CSRNP3: variants seen among roughly 807,000 people sequenced by gnomAD.
The protein encoded by CSRNP3 is cysteine/serine-rich nuclear protein 3.
A neutral mutation model predicts 48.0 loss-of-function variants in CSRNP3; 12 were observed. That is an observed-to-expected ratio of 0.25 (90% CI 0.16 to 0.41). The LOEUF is 0.41. Among genes scored for constraint, CSRNP3 ranks in the 10% least tolerant of loss-of-function variants. The pLI, the probability that CSRNP3 is intolerant of heterozygous loss-of-function variation, is 1.00. For missense variants in CSRNP3, 580 were observed against 724.4 expected, an observed-to-expected ratio of 0.80 and a Z score of 2.29; for synonymous variants, 263 against 269.7, an observed-to-expected ratio of 0.98 and a Z score of 0.24.
intron 2 of CSRNP3, among the ~76,000 whole-genome samples, chr2:165,511,437 T>C (rs999441795): frequency 2.6e-5 from 4 of 152,086 alleles, no homozygotes; most frequent in Non-Finnish European, 2.9e-5. Flanking sequence ...GAGGGTATAA[T>C]TGAAGTCGTG....
intron 5 of CSRNP3, among the ~76,000 whole-genome samples, chr2:165,675,878 A>G (rs893200908): frequency 6.6e-6 from 1 of 152,210 alleles, no homozygotes; most frequent in African/African-American, 2.4e-5. Context: ...CAAGGACAAC[A>G]TATTTGCTGA....
At chr2:165,596,295 T>C (rs924615027) in intron 4 of CSRNP3, among the ~76,000 whole-genome samples, 1 of 152,158 alleles carries the variant, frequency 6.6e-6, no homozygotes, top group East Asian at 1.9e-4. Flanking sequence ...TTAAAATTTA[T>C]GTTCCTTAAA....
At position 165,540,858 on chromosome 2, in the gene CSRNP3, C is replaced by G. The variant is rs147859391; in HGVS notation, c.-24+22897C>G. ...TACCTGGTAGTTTGGTAGTCCTTCT[C>G]TATTTATCTTTAATATAGTTTCTGG... On this transcript the variant is annotated intron_variant, in intron 3 of 6. Coordinates refer to ENST00000651982, the MANE Select transcript of CSRNP3 (RefSeq NM_001172173.2). Among the ~76,000 whole-genome samples, 1,132 of 152,134 alleles carry G rather than the reference C, an allele frequency of 7.4e-3. 10 individuals are homozygous for G. The highest frequency in any genetic ancestry group is 0.024 in the African/African-American group (1,016 of 41,518).
Position 165,687,737 on chromosome 2 carries a change from G to A in CSRNP3, c.*7984G>A, listed in dbSNP as rs1198648835. On this transcript the variant is annotated 3_prime_UTR_variant, in exon 7 of 7. Coordinates refer to ENST00000651982, the MANE Select transcript of CSRNP3 (RefSeq NM_001172173.2). ...ATTTAAAAATTTGTCTTCTTGACAA[G>A]GCCTGAAAACGAAGGGAGGTGTCGT... is the stretch of plus-strand genomic sequence containing the variant. 2 of 151,972 alleles carry A rather than the reference G, an allele frequency of 1.3e-5. No homozygotes were observed. Among genetic ancestry groups the A allele is most frequent in the Non-Finnish European group, 2.9e-5 (2 of 67,968 alleles). 9.4% of individuals were successfully genotyped at this position (151,972 alleles called of 1,614,324 possible). A position where few individuals can be genotyped will look rare whatever the true frequency, so the allele number is the denominator to read the frequency against.
intron 3 of CSRNP3, among the ~76,000 whole-genome samples, chr2:165,555,211 TTTAG>T (rs201807414): frequency 0.026 from 3,926 of 152,284 alleles, 146 homozygotes; most frequent in African/African-American, 0.09. Flanking sequence ...TACTGTATAC[TTTAG>T]TTAGTTTCTT....
chr2:165,613,997 C>T (rs965229886), intron 4 of CSRNP3, among the ~76,000 whole-genome samples: 1 of 151,678 alleles, frequency 6.6e-6, no homozygotes, highest in African/African-American at 2.4e-5. Flanking sequence ...GTAGTATGGT[C>T]GTTTTAACAA....
At chr2:165,500,197 A>G (rs1684337772) in intron 2 of CSRNP3, among the ~76,000 whole-genome samples, 1 of 151,644 alleles carries the variant, frequency 6.6e-6, no homozygotes, top group African/African-American at 2.4e-5. Context: ...GGGTCCCATT[A>G]ATTGTGTCAT....
intron 3 of CSRNP3, among the ~76,000 whole-genome samples, chr2:165,592,098 GGAGACCACCTCTT>G (rs1215391793): frequency 6.6e-6 from 1 of 152,250 alleles, no homozygotes. Flanking sequence ...CAAGGCTGTG[GGAGACCACCTCTT>G]GCATCAGCAT....
At chr2:165,601,660 C>A (rs1685917345) in intron 4 of CSRNP3, among the ~76,000 whole-genome samples, 2 of 151,970 alleles carry the variant, frequency 1.3e-5, no homozygotes, top group African/African-American at 4.8e-5. Context: ...TTCCTTCCTT[C>A]CTTGTCTCCC....
chr2:165,609,279 C>G (rs1031408177), intron 4 of CSRNP3, among the ~76,000 whole-genome samples: 1 of 149,040 alleles, frequency 6.7e-6, no homozygotes, highest in South Asian at 2.1e-4. Flanking sequence ...CATGATGAAA[C>G]CCCGTCTCTA....
In CSRNP3 at chr2:165,668,574, G is replaced by A. The variant is rs1232653394; in HGVS notation, c.409-7738G>A. On this transcript the variant is annotated intron_variant, in intron 5 of 6. Transcript: ENST00000651982. ...CTGCCATCAATCCTGGCTAGTTTTT[G>A]TATTTTTAGTAGAGACAGGGTTTCA... is the stretch of plus-strand genomic sequence containing the variant. Among the ~76,000 whole-genome samples the A allele has an allele frequency of 2.0e-5, 3 of 151,762 alleles. No homozygotes were observed. In the East Asian group the frequency reaches 5.8e-4, roughly 29 times the overall value.
Position 165,648,694 on chromosome 2 carries a change from G to C in CSRNP3, c.149-9067G>C, listed in dbSNP as rs182375722. Among the ~76,000 whole-genome samples the C allele has an allele frequency of 3.0e-3, 457 of 152,112 alleles. 9 individuals carry two copies. Among genetic ancestry groups the C allele is most frequent in the Admixed American group, 0.023 (358 of 15,276 alleles). ...CAAGAATTAGTGGGGAAGAGGAGGGGGCGTCCTTAAAAAATAAAATGTGTG... is the reference window on the plus strand; with the variant it reads ...CAAGAATTAGTGGGGAAGAGGAGGGCGCGTCCTTAAAAAATAAAATGTGTG... On this transcript the variant is annotated intron_variant, in intron 4 of 6. Coordinates refer to ENST00000651982, the MANE Select transcript of CSRNP3 (RefSeq NM_001172173.2).
At chr2:165,677,152 C>T (rs989133707) in intron 6 of CSRNP3, among the ~76,000 whole-genome samples, 1 of 152,236 alleles carries the variant, frequency 6.6e-6, no homozygotes, top group Admixed American at 6.5e-5. Context: ...AGGAACCGAA[C>T]TAGGTCAGGG....
intron 3 of CSRNP3, among the ~76,000 whole-genome samples, chr2:165,524,172 C>T (rs186369880): frequency 2.0e-4 from 30 of 152,178 alleles, no homozygotes; most frequent in African/African-American, 7.2e-4. Flanking sequence ...GATTAACAAA[C>T]CCAGGTACAC....
At position 165,662,180 on chromosome 2, in the gene CSRNP3, A is replaced by G. The variant is rs940985097; in HGVS notation, c.408+4160A>G. ...ACAAAATAAAGATGTTATTTTGAAAACAAAATAAAAGTAGGAATGTATGTT... is the reference window on the plus strand; with the variant it reads ...ACAAAATAAAGATGTTATTTTGAAAGCAAAATAAAAGTAGGAATGTATGTT... On this transcript the variant is annotated intron_variant, in intron 5 of 6. Coordinates refer to ENST00000651982, the MANE Select transcript of CSRNP3 (RefSeq NM_001172173.2). Among the ~76,000 whole-genome samples the G allele has an allele frequency of 7.3e-5, 11 of 151,716 alleles. No homozygotes were observed. The East Asian group carries it at 9.7e-4, about 13-fold the overall frequency.
chr2:165,596,807 A>T (rs1282339738), intron 4 of CSRNP3, among the ~76,000 whole-genome samples: 4 of 152,208 alleles, frequency 2.6e-5, no homozygotes, highest in African/African-American at 7.2e-5. Flanking sequence ...AATACACATG[A>T]AAAAACGTTG....
intron 1 of CSRNP3, among the ~76,000 whole-genome samples, chr2:165,470,864 C>A (rs944785051): frequency 4.6e-5 from 7 of 151,942 alleles, no homozygotes; most frequent in Non-Finnish European, 7.4e-5. Context: ...AAATAAAAGT[C>A]TTTCAATGAG....
intron 4 of CSRNP3, among the ~76,000 whole-genome samples, chr2:165,620,327 T>TA (rs1686318650): frequency 6.6e-6 from 1 of 152,158 alleles, no homozygotes; most frequent in Non-Finnish European, 1.5e-5. Flanking sequence ...TATATATTTT[T>TA]AAAATCTATG....
intron 4 of CSRNP3, 149 bp downstream of exon 4, chr2:165,595,362 CG>C: frequency 7.2e-6 from 5 of 698,932 alleles, no homozygotes; most frequent in Non-Finnish European, 9.4e-6. Context: ...AAATATTTTT[CG>C]GGTGACTCAG....
Sources: gnomAD v4.1 joint callset for allele counts (sites outside exome capture counted in the v4.1 genomes callset) on GRCh38, gnomAD v4.1.1 for gene constraint, MANE v1.5 for transcripts, NCBI Gene and HGNC (gene_info 2026-07-23, HGNC 2026-07-21) for gene names.